Variants in PLAG1 observed in about 807,000 individuals in gnomAD.
PLAG1 encodes zinc finger protein PLAG1.
PLAG1 carries 7 observed loss-of-function variants against 35.5 expected under a neutral mutation model. The ratio of observed to expected loss-of-function variants is 0.20; its 90% CI spans 0.11 to 0.37. The LOEUF is 0.37. Ranked by LOEUF, PLAG1 falls within the 10% of genes least tolerant of loss-of-function variation. The probability of loss-of-function intolerance (pLI) is 1.00; values close to 1 mark genes in which losing one functional copy is unlikely to be tolerated. For synonymous variants in PLAG1, 229 were observed against 225.4 expected (o/e 1.02, Z -0.14); for missense variants, 454 against 602.8 (o/e 0.75, Z 2.58).
intron 1 of PLAG1, among the ~76,000 whole-genome samples, chr8:56,183,997 T>C (rs2129229040): frequency 6.6e-6 from 1 of 152,222 alleles, no homozygotes; most frequent in Admixed American, 6.5e-5. Context: ...CATCAAAATG[T>C]AAAACTTCCC....
At chr8:56,185,017 C>G (rs375320481) in intron 1 of PLAG1, among the ~76,000 whole-genome samples, 8 of 152,224 alleles carry the variant, frequency 5.3e-5, no homozygotes, top group East Asian at 1.9e-4. Context: ...GGCTACTAAT[C>G]AGCAGCAAAA....
rs757316527 is a variant in PLAG1, at chr8:56,166,660, C to G, written c.1086G>C (p.Glu362Asp). 25 of 1,613,994 alleles carry G rather than the reference C, an allele frequency of 1.5e-5. No individual in the cohort carries two copies. Among genetic ancestry groups the G allele is most frequent in the Non-Finnish European group, 1.2e-5 (14 of 1,180,008 alleles). Reference sequence around the variant, plus strand: ...ATGAAGAGGGCACGCCACCTTGTAACTCCATCAGGTAACTCTCAATTTCCC... The same window carrying G: ...ATGAAGAGGGCACGCCACCTTGTAAGTCCATCAGGTAACTCTCAATTTCCC... The part of the protein sequence containing the change: ...LKGEIESYLM[E>D]LQGGVPSSSQ... The change falls in exon 5 of 5, where the codon GAG (glutamate) becomes GAC (aspartate). Residue 362 changes from glutamate (E) to aspartate (D), a missense_variant. Physicochemically the swap from Glu to Asp is conservative, Grantham distance 45 (BLOSUM62 2). This residue lies in a region of PLAG1 where 271 missense variants were observed against 315.6 expected (regional missense o/e 0.86). Transcript: ENST00000316981.
intron 1 of PLAG1, among the ~76,000 whole-genome samples, chr8:56,181,661 GTATACC>G (rs1811867546): frequency 6.6e-6 from 1 of 152,060 alleles, no homozygotes; most frequent in Non-Finnish European, 1.5e-5. Flanking sequence ...CATAGCACGT[GTATACC>G]TATGTAACAA....
At chr8:56,199,141 C>T (rs745591852) in intron 1 of PLAG1, among the ~76,000 whole-genome samples, 10 of 152,244 alleles carry the variant, frequency 6.6e-5, no homozygotes, top group Middle Eastern at 3.4e-3. Context: ...GGGAATGCTG[C>T]GAACCCTGGG....
At chr8:56,196,157 A>G (rs1449558823) in intron 1 of PLAG1, among the ~76,000 whole-genome samples, 1 of 152,186 alleles carries the variant, frequency 6.6e-6, no homozygotes, top group African/African-American at 2.4e-5. Context: ...CATGATCATA[A>G]ATATATAAAT....
rs1223872131 is a variant in PLAG1 at position 56,191,809 on chromosome 8, A to G, written c.-321-12296T>C. 4.2e-5 allele frequency among the ~76,000 whole-genome samples: 5 copies of G among 120,132 alleles called. No individual in the cohort carries two copies. The East Asian group carries it at 6.4e-4, about 15-fold the overall frequency. 78.8% of individuals were successfully genotyped at this position (120,132 alleles called of 152,430 possible). On this transcript the variant is annotated intron_variant, in intron 1 of 4. Coordinates refer to ENST00000316981, the MANE Select transcript of PLAG1 (RefSeq NM_002655.3). ...CAACATCAATAATCTAAAACACAGG[A>G]AAAAAAAAAAAAAAACCCAGAAAGG...
Position 56,166,515 on chromosome 8 carries a change from G to A in PLAG1, c.1231C>T (p.Leu411=). 1.2e-6 allele frequency: 2 copies of A among 1,614,014 alleles called. No homozygotes were observed. The highest frequency in any genetic ancestry group is 1.7e-6 in the Non-Finnish European group (2 of 1,179,948). Residue 411 remains leucine, a synonymous_variant, in exon 5 of 5, where the codon CTA becomes TTA. Transcript: ENST00000316981. ...SKSSISISDP[L]NTPALDFSQL... Reference sequence around the variant, plus strand: ...GAAAAATCCAATGCTGGTGTGTTTAGGGGGTCACTGATGGAGATAGAGCTT... The same window carrying A: ...GAAAAATCCAATGCTGGTGTGTTTAAGGGGTCACTGATGGAGATAGAGCTT...
At chr8:56,194,623 CGTGTGTGTGTTTGTGT>C (rs1812301680) in intron 1 of PLAG1, among the ~76,000 whole-genome samples, 1 of 150,400 alleles carries the variant, frequency 6.6e-6, no homozygotes, top group African/African-American at 2.4e-5. Context: ...GTGTGTGTGG[CGTGTGTGTGTTTGTGT>C]GTGTGTGGCA....
At chr8:56,186,033 C>A (rs561966266) in intron 1 of PLAG1, among the ~76,000 whole-genome samples, 30 of 152,248 alleles carry the variant, frequency 2.0e-4, no homozygotes, top group African/African-American at 7.2e-4. Context: ...TAGAGGGAGT[C>A]ACAAACTGTA....
intron 2 of PLAG1, among the ~76,000 whole-genome samples, chr8:56,173,166 AAC>A (rs1276228062): frequency 3.2e-4 from 48 of 152,268 alleles, no homozygotes; most frequent in African/African-American, 1.1e-3. Context: ...TAAGTATTTC[AAC>A]ACAGTTTAAA....
intron 3 of PLAG1, among the ~76,000 whole-genome samples, chr8:56,169,793 C>G (rs1039833520): frequency 6.6e-6 from 1 of 152,234 alleles, no homozygotes; most frequent in Non-Finnish European, 1.5e-5. Context: ...GTCCTCCAGT[C>G]TCAGCCTCTC....
chr8:56,162,284 G>T lies in PLAG1; in HGVS notation c.*3959C>A. Reference sequence around the variant, plus strand: ...TCCAATGTCACATGGATCTCAGTAGGCTAGAAGCAACTTGGGTGAACTGGT... The same window carrying T: ...TCCAATGTCACATGGATCTCAGTAGTCTAGAAGCAACTTGGGTGAACTGGT... On this transcript the variant is annotated 3_prime_UTR_variant, in exon 5 of 5. Coordinates refer to ENST00000316981, the MANE Select transcript of PLAG1 (RefSeq NM_002655.3). The T allele has an allele frequency of 4.4e-6, 1 of 228,530 alleles. No individual in the cohort carries two copies. The highest frequency in any genetic ancestry group is 8.7e-6 in the Non-Finnish European group (1 of 114,754). 14.2% of individuals were successfully genotyped at this position (228,530 alleles called of 1,614,324 possible). A position where few individuals can be genotyped will look rare whatever the true frequency, so the allele number is the denominator to read the frequency against.
At position 56,185,998 on chromosome 8, in the gene PLAG1, G is replaced by C. The variant is rs115010882; in HGVS notation, c.-321-6485C>G. Among the ~76,000 whole-genome samples, 616 of 151,350 alleles carry C rather than the reference G, an allele frequency of 4.1e-3. 8 individuals are homozygous for C. Among genetic ancestry groups the C allele is most frequent in the African/African-American group, 0.014 (568 of 41,518 alleles). On this transcript the variant is annotated intron_variant, in intron 1 of 4. Transcript: ENST00000316981. ...CAAGGTAACAAAAGAACAAGTATTAGCCAGGCATGGGCAGGTACTCCAGGT... is the reference window on the plus strand; with the variant it reads ...CAAGGTAACAAAAGAACAAGTATTACCCAGGCATGGGCAGGTACTCCAGGT...
At chr8:56,195,129 A>G (rs963346507) in intron 1 of PLAG1, among the ~76,000 whole-genome samples, 2 of 152,194 alleles carry the variant, frequency 1.3e-5, no homozygotes, top group South Asian at 4.1e-4. Flanking sequence ...CATAATTATT[A>G]GCCAAAATTT....
chr8:56,202,821 T>G (rs117282596), intron 1 of PLAG1, among the ~76,000 whole-genome samples: 1,883 of 152,278 alleles, frequency 0.012, 21 homozygotes, highest in Non-Finnish European at 0.019. Flanking sequence ...ATAAAAGCAG[T>G]TACAGAAGTA....
At chr8:56,209,394 T>C (rs1345086611) in intron 1 of PLAG1, 2 of 152,244 alleles carry the variant, frequency 1.3e-5, no homozygotes. Context: ...ATCACTCCTA[T>C]GGGTGGGTGC....
intron 1 of PLAG1, among the ~76,000 whole-genome samples, chr8:56,200,360 GCTGAAGT>G (rs2129234039): frequency 1.3e-5 from 2 of 152,374 alleles, no homozygotes; most frequent in African/African-American, 4.8e-5. Flanking sequence ...TCACAGAATA[GCTGAAGT>G]CTGAATTGCT....
chr8:56,190,424 G>A (rs959621148), intron 1 of PLAG1, among the ~76,000 whole-genome samples: 2 of 152,192 alleles, frequency 1.3e-5, no homozygotes, highest in African/African-American at 2.4e-5. Context: ...CAGGGAGGTA[G>A]AGCCAAGGTA....
intron 1 of PLAG1, among the ~76,000 whole-genome samples, chr8:56,195,190 T>C (rs1812324000): frequency 6.6e-6 from 1 of 152,204 alleles, no homozygotes; most frequent in Admixed American, 6.5e-5. Context: ...AAAAACCATT[T>C]GACCACTTGA....
Sources: gnomAD v4.1 joint callset for allele counts (sites outside exome capture counted in the v4.1 genomes callset) on GRCh38, gnomAD v4.1.1 for gene constraint, gnomAD v4.1.1 regional missense constraint, MANE v1.5 for transcripts, NCBI Gene and HGNC (gene_info 2026-07-23, HGNC 2026-07-21) for gene names.